The following FAM171B variants were observed in gnomAD, a reference collection of about 807,000 sequenced individuals.
FAM171B encodes the protein protein FAM171B.
A neutral mutation model predicts 75.6 loss-of-function variants in FAM171B; 19 were observed. That is an observed-to-expected ratio of 0.25 (90% CI 0.18 to 0.37). The LOEUF (loss-of-function observed/expected upper bound fraction) is 0.37, where lower values mean the gene tolerates loss of function less well. Among genes scored for constraint, FAM171B ranks in the 10% least tolerant of loss-of-function variants. The probability of loss-of-function intolerance (pLI) is 1.00; values close to 1 mark genes in which losing one functional copy is unlikely to be tolerated. For missense variants in FAM171B, 848 were observed against 982.4 expected, an observed-to-expected ratio of 0.86 and a Z score of 1.83; for synonymous variants, 367 against 361.7, an observed-to-expected ratio of 1.01 and a Z score of -0.17.
At chr2:186,750,791 T>G (rs1690441465) in intron 4 of FAM171B, among the ~76,000 whole-genome samples, 1 of 152,194 alleles carries the variant, frequency 6.6e-6, no homozygotes, top group Non-Finnish European at 1.5e-5. Context: ...TGGTGTATGA[T>G]AGAGCCTTTA....
chr2:186,719,167 C>G (rs1425515201), intron 1 of FAM171B, among the ~76,000 whole-genome samples: 1 of 152,178 alleles, frequency 6.6e-6, no homozygotes, highest in South Asian at 2.1e-4. Flanking sequence ...CTGTTTAAAT[C>G]TAACCACTTT....
intron 1 of FAM171B, among the ~76,000 whole-genome samples, chr2:186,703,721 A>C (rs1689697880): frequency 6.6e-6 from 1 of 152,204 alleles, no homozygotes; most frequent in Non-Finnish European, 1.5e-5. Flanking sequence ...CAGTATAATT[A>C]AATGAATTAT....
At chr2:186,701,981 G>T (rs929867482) in intron 1 of FAM171B, among the ~76,000 whole-genome samples, 1 of 152,170 alleles carries the variant, frequency 6.6e-6, no homozygotes, top group East Asian at 1.9e-4. Context: ...CCTTAGCTAG[G>T]AAATGGATAC....
chr2:186,696,457 T>TAAA lies in FAM171B; in HGVS notation c.238+2058_238+2060dup, dbSNP rs3029382. Among the ~76,000 whole-genome samples, 470 of 129,816 alleles carry TAAA rather than the reference T, an allele frequency of 3.6e-3. 2 individuals carry two copies. Among genetic ancestry groups the TAAA allele is most frequent in the East Asian group, 7.7e-3 (35 of 4,526 alleles). 85.2% of individuals were successfully genotyped at this position (129,816 alleles called of 152,430 possible). On this transcript the variant is annotated intron_variant, in intron 1 of 7. Coordinates refer to ENST00000304698, the MANE Select transcript of FAM171B (RefSeq NM_177454.4). Reference sequence around the variant, plus strand: ...TTCTCCTCACACAGCTAGCGATCTTTAAAAAAAAAAAAAACATTAAATAGG... The same window carrying TAAA: ...TTCTCCTCACACAGCTAGCGATCTTTAAAAAAAAAAAAAAAAACATTAAATAGG...
chr2:186,726,557 C>T (rs1690036911), intron 1 of FAM171B, among the ~76,000 whole-genome samples: 1 of 152,128 alleles, frequency 6.6e-6, no homozygotes. Context: ...TTTCAGCCCT[C>T]ATTCCAATTA....
intron 4 of FAM171B, among the ~76,000 whole-genome samples, chr2:186,747,591 A>C (rs1690384369): frequency 6.6e-6 from 1 of 152,132 alleles, no homozygotes; most frequent in Non-Finnish European, 1.5e-5. Flanking sequence ...TTCAAAAATT[A>C]AAATTCAGTT....
chr2:186,762,910 A>G lies in FAM171B; in HGVS notation c.*87A>G. 6.8e-7 allele frequency: 1 copy of G among 1,475,860 alleles called. No homozygotes were observed. The highest frequency in any genetic ancestry group is 9.1e-7 in the Non-Finnish European group (1 of 1,093,822). The allele number at this position is 1,475,860 out of a possible 1,614,324, so 91.4% of individuals were successfully genotyped here. A position where few individuals can be genotyped will look rare whatever the true frequency, so the allele number is the denominator to read the frequency against. Reference sequence around the variant, plus strand: ...TGCAGTACGAACTTAAGAAAATGAGACTGAGCAATCTCATGGTTCTTGGAC... The same window carrying G: ...TGCAGTACGAACTTAAGAAAATGAGGCTGAGCAATCTCATGGTTCTTGGAC... On this transcript the variant is annotated 3_prime_UTR_variant, in exon 8 of 8. Transcript: ENST00000304698. The surrounding 1 kb of genome is among the most constrained non-coding windows in gnomAD (Gnocchi z 4.0).
intron 1 of FAM171B, among the ~76,000 whole-genome samples, chr2:186,703,037 T>G (rs1689684903): frequency 6.7e-6 from 1 of 150,352 alleles, no homozygotes; most frequent in Non-Finnish European, 1.5e-5. Context: ...GAAATATCAT[T>G]TATAAATTAT....
In FAM171B at chr2:186,694,353, G is replaced by A. The variant is rs760234513; in HGVS notation, c.180G>A (p.Glu60=). The change falls in exon 1 of 8, where the codon GAG becomes GAA. Residue 60 remains glutamate, a synonymous_variant. Coordinates refer to ENST00000304698, the MANE Select transcript of FAM171B (RefSeq NM_177454.4). Reference sequence around the variant, plus strand: ...AACAACAACAGCAAAAGCAGCTGGAGGAGGCTGAGGAGGAGAGGACAGAGG... The same window carrying A: ...AACAACAACAGCAAAAGCAGCTGGAAGAGGCTGAGGAGGAGAGGACAGAGG... ...QQQQQQQKQL[E]EAEEERTEVP... is the part of the protein sequence containing the mutation. 1 of 1,612,924 alleles carries A rather than the reference G, an allele frequency of 6.2e-7. No homozygotes were observed. Among genetic ancestry groups the A allele is most frequent in the Non-Finnish European group, 8.5e-7 (1 of 1,179,564 alleles).
At chr2:186,718,407 T>G (rs1689904144) in intron 1 of FAM171B, among the ~76,000 whole-genome samples, 1 of 152,188 alleles carries the variant, frequency 6.6e-6, no homozygotes, top group South Asian at 2.1e-4. Flanking sequence ...TCTCACGCTA[T>G]TCCTTCTTTC....
intron 1 of FAM171B, chr2:186,695,088 A>T (rs1313024956): frequency 6.6e-6 from 1 of 152,308 alleles, no homozygotes; most frequent in East Asian, 1.9e-4. Context: ...AGAGGGGGAC[A>T]CATAAGGTGA....
intron 1 of FAM171B, among the ~76,000 whole-genome samples, chr2:186,729,436 T>G (rs1214140793): frequency 6.6e-6 from 1 of 150,392 alleles, no homozygotes; most frequent in Non-Finnish European, 1.5e-5. Flanking sequence ...GCCAAAGTAT[T>G]TTTTTTTTTC....
At chr2:186,742,903 AG>A (rs1156660482) in intron 2 of FAM171B, among the ~76,000 whole-genome samples, 2 of 152,180 alleles carry the variant, frequency 1.3e-5, no homozygotes, top group Non-Finnish European at 2.9e-5. Context: ...CTATGCTTGT[AG>A]GCAGGTTCAT....
chr2:186,708,209 T>G (rs953106163), intron 1 of FAM171B, among the ~76,000 whole-genome samples: 5 of 152,120 alleles, frequency 3.3e-5, no homozygotes, highest in Non-Finnish European at 7.4e-5. Flanking sequence ...GGGACTGAAG[T>G]GGTCAAAGTA....
intron 1 of FAM171B, among the ~76,000 whole-genome samples, chr2:186,713,163 G>T (rs1325726051): frequency 6.6e-6 from 1 of 152,186 alleles, no homozygotes; most frequent in Non-Finnish European, 1.5e-5. Flanking sequence ...AAGTGAGAGG[G>T]TGGTGGTCTG....
At chr2:186,702,041 G>A (rs1001289595) in intron 1 of FAM171B, among the ~76,000 whole-genome samples, 2 of 152,186 alleles carry the variant, frequency 1.3e-5, no homozygotes, top group Admixed American at 1.3e-4. Context: ...TACTTACCTG[G>A]AAGAGTCTAA....
intron 6 of FAM171B, among the ~76,000 whole-genome samples, chr2:186,756,500 G>A (rs143149705): frequency 3.4e-4 from 51 of 152,226 alleles, no homozygotes; most frequent in East Asian, 9.7e-4. Flanking sequence ...AGAAATTTAC[G>A]TTTTCACAGT....
intron 1 of FAM171B, among the ~76,000 whole-genome samples, chr2:186,725,691 C>T (rs907178823): frequency 6.6e-6 from 1 of 152,174 alleles, no homozygotes; most frequent in Admixed American, 6.5e-5. Context: ...TTTTCAAACA[C>T]TTAAAATTAT....
At chr2:186,742,246 A>G (rs1170858635) in intron 2 of FAM171B, among the ~76,000 whole-genome samples, 1 of 152,144 alleles carries the variant, frequency 6.6e-6, no homozygotes, top group Non-Finnish European at 1.5e-5. Flanking sequence ...AACAATTTTC[A>G]CGTGAAAAGA....
Sources: gnomAD v4.1 joint callset for allele counts (sites outside exome capture counted in the v4.1 genomes callset) on GRCh38, gnomAD v4.1.1 for gene constraint, Gnocchi (gnomAD v3.1) non-coding constraint, MANE v1.5 for transcripts, NCBI Gene and HGNC (gene_info 2026-07-23, HGNC 2026-07-21) for gene names.